The following SYCP2L variants were observed in gnomAD, a reference collection of about 807,000 sequenced individuals.
The protein encoded by SYCP2L is synaptonemal complex protein 2 like.
SYCP2L carries 98 observed loss-of-function variants against 125.8 expected under a neutral mutation model. The ratio of observed to expected loss-of-function variants is 0.78; its 90% CI spans 0.66 to 0.92. The LOEUF (loss-of-function observed/expected upper bound fraction) is 0.92, where lower values mean the gene tolerates loss of function less well. Ranked by LOEUF, SYCP2L falls within the 40% of genes least tolerant of loss-of-function variation. The probability of loss-of-function intolerance (pLI) is 0.00; values close to 1 mark genes in which losing one functional copy is unlikely to be tolerated. For synonymous variants in SYCP2L, 317 were observed against 325.4 expected (o/e 0.97, Z 0.28); for missense variants, 842 against 936.4 (o/e 0.90, Z 1.32).
intron 12 of SYCP2L, 96 bp downstream of exon 12, chr6:10,910,965 A>C (rs1780596501): frequency 1.5e-6 from 2 of 1,340,304 alleles, no homozygotes; most frequent in East Asian, 4.6e-5. Flanking sequence ...CTCATAACTC[A>C]AAAGGGCTTT....
In SYCP2L at chr6:10,939,320, A is replaced by G. The variant is rs189170382; in HGVS notation, c.1814-3139A>G. On this transcript the variant is annotated intron_variant, in intron 21 of 29. Coordinates refer to ENST00000283141, the MANE Select transcript of SYCP2L (RefSeq NM_001040274.3). ...ATTATCCAAAGCAATATACAGATTC[A>G]ATTCAACTGCTATCAAATTTCTACT... Among the ~76,000 whole-genome samples, 15 of 152,352 alleles carry G rather than the reference A, an allele frequency of 9.8e-5. 1 individual carries two copies. Among genetic ancestry groups the G allele is most frequent in the African/African-American group, 3.6e-4 (15 of 41,592 alleles).
chr6:10,914,242 G>A (rs1425964444), intron 14 of SYCP2L, among the ~76,000 whole-genome samples: 2 of 152,044 alleles, frequency 1.3e-5, no homozygotes, highest in Non-Finnish European at 1.5e-5. Flanking sequence ...CCTACATGTG[G>A]CTTGCTAATT....
rs751593180 is a variant in SYCP2L at position 10,958,858 on chromosome 6, C to T, written c.2238C>T (p.Asn746=). The T allele has an allele frequency of 6.2e-7, 1 of 1,613,770 alleles. No homozygotes were observed. The highest frequency in any genetic ancestry group is 8.5e-7 in the Non-Finnish European group (1 of 1,179,936). ...CGGATTGCCTAATAAAACTTTTAAA[C>T]CAGATGCAACTGTTCAGGTAAGTTT... The part of the protein sequence containing the change: ...KAPDCLIKLL[N]QMQLFRLNKL... The change falls in exon 26 of 30, where the codon AAC becomes AAT. Residue 746 remains asparagine (N), a synonymous_variant. Transcript: ENST00000283141.
At chr6:10,957,622 G>A (rs1561701122) in intron 25 of SYCP2L, among the ~76,000 whole-genome samples, 1 of 152,126 alleles carries the variant, frequency 6.6e-6, no homozygotes, top group Admixed American at 6.6e-5. Context: ...AGATCAGCCC[G>A]TGCAACATAG....
At chr6:10,924,012 C>T (rs1032399425) in intron 14 of SYCP2L, among the ~76,000 whole-genome samples, 1 of 152,194 alleles carries the variant, frequency 6.6e-6, no homozygotes, top group Non-Finnish European at 1.5e-5. Context: ...GTGTTTCCGT[C>T]TCTTCTTCAA....
chr6:10,920,824 G>A (rs6926395), intron 14 of SYCP2L, among the ~76,000 whole-genome samples: 4,519 of 141,894 alleles, frequency 0.032, 233 homozygotes, highest in African/African-American at 0.11. Context: ...TTATAATTGC[G>A]TTCCTTTTTT....
chr6:10,900,440 C>G (rs1200975708), intron 6 of SYCP2L, among the ~76,000 whole-genome samples: 2 of 151,896 alleles, frequency 1.3e-5, no homozygotes, highest in African/African-American at 4.8e-5. Context: ...GCAACCTCTG[C>G]CTCCCGGGTT....
intron 21 of SYCP2L, among the ~76,000 whole-genome samples, chr6:10,941,898 C>G (rs547607370): frequency 4.1e-4 from 62 of 152,098 alleles, no homozygotes; most frequent in African/African-American, 1.4e-3. Context: ...AGACTTGGAA[C>G]CAACCCAAAT....
chr6:10,960,492 T>C (rs1221281856), intron 26 of SYCP2L, among the ~76,000 whole-genome samples: 1 of 152,070 alleles, frequency 6.6e-6, no homozygotes, highest in Non-Finnish European at 1.5e-5. Flanking sequence ...TTTGACCTAA[T>C]AGAGAAGACA....
intron 29 of SYCP2L, among the ~76,000 whole-genome samples, chr6:10,968,521 A>G (rs1162674252): frequency 6.6e-6 from 1 of 152,140 alleles, no homozygotes; most frequent in Non-Finnish European, 1.5e-5. Flanking sequence ...ATATCAGAGG[A>G]AAAAAAGCTT....
chr6:10,906,153 T>A, intron 9 of SYCP2L, 99 bp downstream of exon 9: 1 of 684,700 alleles, frequency 1.5e-6, no homozygotes, highest in Non-Finnish European at 2.6e-6. Flanking sequence ...TATGGTTAAA[T>A]TGAAGATAGG....
chr6:10,898,237 G>A (rs1780293698), intron 5 of SYCP2L, 122 bp downstream of exon 5: 1 of 727,852 alleles, frequency 1.4e-6, no homozygotes, highest in African/African-American at 1.8e-5. Context: ...TCACATGGCT[G>A]GGCGTGATGG....
chr6:10,905,142 C>CAAAAAAAAAAA lies in SYCP2L; in HGVS notation c.642-864_642-854dup, dbSNP rs34659978. The stretch of plus-strand genomic sequence containing the variant: ...TGGGTGACAGAGCCAGACTTGGTCT[C>CAAAAAAAAAAA]AAAAAAAAAAAAAAAAAAAAAAAAG... On this transcript the variant is annotated intron_variant, in intron 8 of 29. Coordinates refer to ENST00000283141, the MANE Select transcript of SYCP2L (RefSeq NM_001040274.3). Among the ~76,000 whole-genome samples, 108 of 54,642 alleles carry CAAAAAAAAAAA rather than the reference C, an allele frequency of 2.0e-3. 3 individuals carry two copies. The highest frequency in any genetic ancestry group is 2.6e-3 in the Non-Finnish European group (80 of 31,214). The allele number at this position is 54,642 out of a possible 152,430, so 35.8% of individuals were successfully genotyped here. A position where few individuals can be genotyped will look rare whatever the true frequency, so the allele number is the denominator to read the frequency against.
At chr6:10,956,286 G>A in intron 25 of SYCP2L, 44 bp downstream of exon 25, 1 of 1,391,468 alleles carries the variant, frequency 7.2e-7, no homozygotes. Flanking sequence ...TTATGAATCT[G>A]GAGGACATTA....
rs946926817 is a variant in SYCP2L, at chr6:10,926,722, T to C, written c.1312+290T>C. Among the ~76,000 whole-genome samples the C allele has an allele frequency of 7.9e-5, 12 of 152,014 alleles. No homozygotes were observed. In the East Asian group the frequency reaches 1.9e-3, roughly 24 times the overall value. On this transcript the variant is annotated intron_variant, in intron 16 of 29. Transcript: ENST00000283141. ...ACAAAGTCGGCCCTGCACTAGACCG[T>C]GTTTCTCTTTTGAGTTATGCCCCAA...
chr6:10,967,385 A>T (rs554351491), intron 29 of SYCP2L, among the ~76,000 whole-genome samples: 1 of 152,196 alleles, frequency 6.6e-6, no homozygotes, highest in East Asian at 1.9e-4. Flanking sequence ...TCAAATGAAC[A>T]TAAATACAAA....
intron 23 of SYCP2L, among the ~76,000 whole-genome samples, chr6:10,953,734 T>G (rs531873416): frequency 9.1e-4 from 139 of 152,358 alleles, no homozygotes; most frequent in South Asian, 6.0e-3. Context: ...CTGCCCTCAC[T>G]GGGCCTTACC....
intron 1 of SYCP2L, among the ~76,000 whole-genome samples, chr6:10,889,309 CAT>C (rs1204335322): frequency 2.6e-5 from 4 of 152,126 alleles, no homozygotes; most frequent in Non-Finnish European, 5.9e-5. Context: ...AGTAATTGCA[CAT>C]GTTAATTGGG....
chr6:10,916,149 G>A (rs548454396), intron 14 of SYCP2L, among the ~76,000 whole-genome samples: 2 of 152,218 alleles, frequency 1.3e-5, no homozygotes, highest in Admixed American at 6.5e-5. Context: ...TTGTATTTCA[G>A]TGGTGTCAGT....
Sources: gnomAD v4.1 joint callset for allele counts (sites outside exome capture counted in the v4.1 genomes callset) on GRCh38, gnomAD v4.1.1 for gene constraint, MANE v1.5 for transcripts, NCBI Gene and HGNC (gene_info 2026-07-23, HGNC 2026-07-21) for gene names.